AP3D1: variants seen among roughly 807,000 people sequenced by gnomAD.
AP3D1 encodes AP-3 complex subunit delta-1.
Under a neutral mutation model 147.6 loss-of-function variants are expected in AP3D1, and 51 were observed. The ratio of observed to expected loss-of-function variants is 0.35; its 90% confidence interval spans 0.28 to 0.44. The LOEUF is 0.44. AP3D1 is among the 20% of genes least tolerant of loss of function. The pLI, the probability that AP3D1 is intolerant of heterozygous loss-of-function variation, is 1.00. For missense variants in AP3D1, 1,421 were observed against 1,624.2 expected, an observed-to-expected ratio of 0.87 and a Z score of 2.15; for synonymous variants, 760 against 663.0, an observed-to-expected ratio of 1.15 and a Z score of -2.25.
chr19:2,130,542 G>A lies in AP3D1; in HGVS notation c.463-5C>T, dbSNP rs762645508. On this transcript the variant is annotated splice_polypyrimidine_tract_variant and splice_region_variant and intron_variant, in intron 5 of 31. Coordinates refer to ENST00000643116, the MANE Select transcript of AP3D1 (RefSeq NM_001261826.3). Reference sequence around the variant, plus strand: ...GTAGGGCTTGGTGTGTGACATCTGCGGGGCAGCGGGCTTCAGCCTGCGCGG... The same window carrying A: ...GTAGGGCTTGGTGTGTGACATCTGCAGGGCAGCGGGCTTCAGCCTGCGCGG... The A allele has an allele frequency of 6.9e-5, 111 of 1,613,642 alleles. 1 individual carries two copies. Among genetic ancestry groups the A allele is most frequent in the South Asian group, 6.3e-4 (57 of 91,074 alleles).
chr19:2,161,155 GTTTTT>G (rs58654241), intron 1 of AP3D1, among the ~76,000 whole-genome samples: 2 of 125,390 alleles, frequency 1.6e-5, no homozygotes, highest in Admixed American at 8.3e-5. Flanking sequence ...GCTTCTCCTA[GTTTTT>G]TTTTTTTTTT....
chr19:2,130,374 C>T, intron 6 of AP3D1, 34 bp downstream of exon 6: 1 of 1,613,100 alleles, frequency 6.2e-7, no homozygotes, highest in Non-Finnish European at 8.5e-7. Flanking sequence ...GAGCCCCCAC[C>T]CTCAACCCTG....
At chr19:2,145,473 A>G (rs930895517) in intron 1 of AP3D1, among the ~76,000 whole-genome samples, 9 of 152,230 alleles carry the variant, frequency 5.9e-5, no homozygotes, top group African/African-American at 2.2e-4. Flanking sequence ...GGTTGCCACG[A>G]CTTGCAGATA....
intron 12 of AP3D1, 34 bp from the exon 13 acceptor site, chr19:2,121,345 G>A (rs1193462534): frequency 6.2e-7 from 1 of 1,609,588 alleles, no homozygotes; most frequent in African/African-American, 1.3e-5. Context: ...GGTGAGAGCG[G>A]ACCCAGCCTG....
intron 19 of AP3D1, 56 bp from the exon 20 acceptor site, chr19:2,115,474 G>C: frequency 1.2e-6 from 2 of 1,608,226 alleles, no homozygotes; most frequent in Non-Finnish European, 8.5e-7. Flanking sequence ...CTCACGGGGA[G>C]GGCGGCGGGA....
At chr19:2,116,144 C>T (rs1326266751) in intron 18 of AP3D1, 63 bp downstream of exon 18, 10 of 1,530,692 alleles carry the variant, frequency 6.5e-6, no homozygotes, top group Admixed American at 1.7e-5. Flanking sequence ...AGATGGATGC[C>T]GCGGGGCTCG....
chr19:2,108,560 C>G, intron 31 of AP3D1, 127 bp downstream of exon 31: 1 of 816,506 alleles, frequency 1.2e-6, no homozygotes, highest in Non-Finnish European at 1.9e-6. Flanking sequence ...GGGCTCATGG[C>G]AGCAGTGCTG....
In AP3D1 at chr19:2,111,272, G is replaced by A. The variant is rs376618271; in HGVS notation, c.2985+13C>T. ...GCTGGCCCACCCTGCCCCTGGGAGC[G>A]GCTGCCACTCACCATTTTAACATAG... On this transcript the variant is annotated intron_variant, in intron 26 of 31. Coordinates refer to ENST00000643116, the MANE Select transcript of AP3D1 (RefSeq NM_001261826.3). The A allele has an allele frequency of 3.2e-5, 51 of 1,613,726 alleles. No homozygotes were observed. The highest frequency in any genetic ancestry group is 3.3e-4 in the Middle Eastern group (2 of 6,010).
At chr19:2,130,685 C>G in intron 5 of AP3D1, 148 bp from the exon 6 acceptor site, 2 of 1,287,248 alleles carry the variant, frequency 1.6e-6, no homozygotes, top group South Asian at 2.7e-5. Context: ...AGACCAGCAT[C>G]TTGGATGGCA....
intron 20 of AP3D1, 110 bp from the exon 21 acceptor site, chr19:2,114,931 G>A: frequency 1.6e-6 from 2 of 1,244,422 alleles, no homozygotes; most frequent in Non-Finnish European, 2.3e-6. Context: ...CGCACAGGTG[G>A]GCAGTGACGT....
chr19:2,120,137 G>T (rs193246097), intron 14 of AP3D1, among the ~76,000 whole-genome samples: 1 of 152,146 alleles, frequency 6.6e-6, no homozygotes, highest in East Asian at 1.9e-4. Flanking sequence ...GGCCGGGCCC[G>T]AGGCAGTGAG....
At chr19:2,146,935 AC>A (rs1412746482) in intron 1 of AP3D1, among the ~76,000 whole-genome samples, 2 of 152,300 alleles carry the variant, frequency 1.3e-5, no homozygotes, top group Admixed American at 6.5e-5. Flanking sequence ...GCTGCTCAGC[AC>A]CCTGTAGTGC....
Position 2,112,842 on chromosome 19 carries a change from G to T in AP3D1, c.2787+18C>A. On this transcript the variant is annotated intron_variant, in intron 24 of 31. Transcript: ENST00000643116. ...CTCATGCAGCCCTCCACAGCCCCTG[G>T]GGGAGTGACAGCCTCACCTTGTCCT... The T allele has an allele frequency of 3.8e-6, 6 of 1,597,082 alleles. No homozygotes were observed. Among genetic ancestry groups the T allele is most frequent in the Non-Finnish European group, 5.1e-6 (6 of 1,169,952 alleles).
upstream of AP3D1, chr19:2,164,605 T>G: frequency 6.0e-6 from 1 of 167,120 alleles, no homozygotes; most frequent in Non-Finnish European, 1.1e-5. Context: ...CCCGCCCCGC[T>G]CGTTCCCGGC....
At chr19:2,164,360 C>T (rs1046179091) in exon 1 of AP3D1, 121 of 828,858 alleles carry the variant, frequency 1.5e-4, no homozygotes, top group Non-Finnish European at 1.8e-4. Context: ...GCTCACCGGT[C>T]CCCCCTGCGG....
intron 3 of AP3D1, 148 bp downstream of exon 3, chr19:2,137,579 G>T (rs1235475105): frequency 1.2e-5 from 8 of 690,508 alleles, no homozygotes; most frequent in Non-Finnish European, 2.0e-5. Flanking sequence ...GCCTCCCAAA[G>T]TGCTGGGATT....
intron 3 of AP3D1, 55 bp downstream of exon 3, chr19:2,137,672 C>A (rs2019112960): frequency 2.0e-6 from 3 of 1,474,644 alleles, no homozygotes; most frequent in South Asian, 1.1e-5. Flanking sequence ...AGTCACGGTG[C>A]CTCACACCTG....
chr19:2,142,183 AATTTCTAT>A (rs2144535625), intron 1 of AP3D1, among the ~76,000 whole-genome samples: 1 of 151,824 alleles, frequency 6.6e-6, no homozygotes, highest in Admixed American at 6.6e-5. Context: ...ACGCCTGGCT[AATTTCTAT>A]ATTTTTAGAG....
Position 2,157,168 on chromosome 19 carries a change from T to G in AP3D1, c.-103+7188A>C, listed in dbSNP as rs7249081. Among the ~76,000 whole-genome samples, 114 of 150,046 alleles carry G rather than the reference T, an allele frequency of 7.6e-4. 1 individual carries two copies. Among genetic ancestry groups the G allele is most frequent in the African/African-American group, 2.8e-3 (113 of 40,742 alleles). ...TGAAAAAAACAAACATCTGGCCGGG[T>G]GCGGTGGCTCACGCCTGTAATCCCA... On this transcript the variant is annotated intron_variant, in intron 1 of 14. Transcript: ENST00000643010.
Sources: allele counts gnomAD v4.1 joint callset (sites outside exome capture counted in the v4.1 genomes callset), GRCh38; gene constraint gnomAD v4.1.1; transcripts MANE v1.5; gene names NCBI Gene and HGNC (gene_info 2026-07-23, HGNC 2026-07-21).